Variants in PAK1 observed in about 807,000 individuals in gnomAD.
PAK1 encodes p21 (RAC1) activated kinase 1, also known as serine/threonine-protein kinase PAK 1.
Under a neutral mutation model 67.4 loss-of-function variants are expected in PAK1, and 29 were observed. The ratio of observed to expected loss-of-function variants is 0.43; its 90% CI spans 0.32 to 0.59. PAK1 has a LOEUF of 0.59. Among genes scored for constraint, PAK1 ranks in the 20% least tolerant of loss-of-function variants. The probability of loss-of-function intolerance (pLI) is 0.07; values close to 1 mark genes in which losing one functional copy is unlikely to be tolerated. For synonymous variants in PAK1, 223 were observed against 237.4 expected, an observed-to-expected ratio of 0.94 and a Z score of 0.56; for missense variants, 337 against 670.7, an observed-to-expected ratio of 0.50 and a Z score of 5.50.
Position 77,457,498 on chromosome 11 carries a change from G to A in PAK1, c.-22+16054C>T, listed in dbSNP as rs1050552861. Among the ~76,000 whole-genome samples the A allele has an allele frequency of 3.3e-5, 5 of 152,214 alleles. No individual in the cohort carries two copies. In the East Asian group the frequency reaches 5.8e-4, roughly 18 times the overall value. On this transcript the variant is annotated intron_variant, in intron 1 of 14. Coordinates refer to ENST00000356341, the MANE Select transcript of PAK1 (RefSeq NM_002576.5). The stretch of plus-strand genomic sequence containing the variant: ...TGCTTCCATGGGTTCATTAAGGGGC[G>A]CATTAGCATTACATTAATTGGCATA...
intron 1 of PAK1, among the ~76,000 whole-genome samples, chr11:77,436,217 T>C (rs1206494088): frequency 6.6e-6 from 1 of 152,208 alleles, no homozygotes; most frequent in African/African-American, 2.4e-5. Flanking sequence ...ACTTACTCTA[T>C]GGTTGGAGGC....
the PAK1 span, among the ~76,000 whole-genome samples, chr11:77,489,479 C>T: frequency 3.3e-5 from 5 of 151,922 alleles, no homozygotes; most frequent in East Asian, 1.9e-4. Context: ...TCTCTTTCCA[C>T]GGTCTCCCTC....
chr11:77,511,295 T>TAC, the PAK1 span, among the ~76,000 whole-genome samples: 1 of 152,312 alleles, frequency 6.6e-6, no homozygotes, highest in Non-Finnish European at 1.5e-5. Flanking sequence ...AACACCAGCA[T>TAC]ACACACCTCC....
chr11:77,332,587 G>A, intron 14 of PAK1, 143 bp downstream of exon 14: 2 of 668,838 alleles, frequency 3.0e-6, no homozygotes, highest in South Asian at 2.1e-5. Context: ...AGGGATAAAA[G>A]GGCAGTAGGA....
chr11:77,398,670 C>T (rs1337237449), intron 1 of PAK1, among the ~76,000 whole-genome samples: 1 of 152,134 alleles, frequency 6.6e-6, no homozygotes, highest in African/African-American at 2.4e-5. Context: ...TTCAATATAC[C>T]AATTTCCTTT....
the PAK1 span, among the ~76,000 whole-genome samples, chr11:77,490,140 C>T: frequency 1.1e-4 from 17 of 151,778 alleles, no homozygotes; most frequent in East Asian, 3.9e-4. Context: ...TCTGCCTGGC[C>T]GCCCCGTCTG....
At chr11:77,509,240 T>A in the PAK1 span, among the ~76,000 whole-genome samples, 62 of 151,668 alleles carry the variant, frequency 4.1e-4, no homozygotes, top group South Asian at 8.3e-4. Context: ...CCTGGGCGAC[T>A]GAGCGAGACT....
intron 1 of PAK1, among the ~76,000 whole-genome samples, chr11:77,460,161 A>G (rs80195530): frequency 6.4e-5 from 9 of 140,580 alleles, no homozygotes; most frequent in African/African-American, 2.7e-4. Flanking sequence ...GTAGAATAGA[A>G]AAAAAAAAAA....
intron 1 of PAK1, among the ~76,000 whole-genome samples, chr11:77,412,376 G>C (rs867779822): frequency 5.3e-5 from 8 of 152,154 alleles, no homozygotes; most frequent in African/African-American, 1.9e-4. Flanking sequence ...AAGAATGCTA[G>C]GTGGGCCCCT....
the PAK1 span, among the ~76,000 whole-genome samples, chr11:77,503,263 G>T: frequency 6.6e-6 from 1 of 152,196 alleles, no homozygotes; most frequent in Non-Finnish European, 1.5e-5. Flanking sequence ...ATCAGTGGGA[G>T]CCTCCGAGAG....
At chr11:77,324,236 G>A (rs1221567441) in intron 14 of PAK1, among the ~76,000 whole-genome samples, 2 of 148,850 alleles carry the variant, frequency 1.3e-5, no homozygotes, top group Non-Finnish European at 3.0e-5. Context: ...GCAGTGGTGC[G>A]GTCTCGGCTC....
intron 1 of PAK1, among the ~76,000 whole-genome samples, chr11:77,456,703 T>A (rs1173831037): frequency 6.6e-6 from 1 of 152,166 alleles, no homozygotes; most frequent in Non-Finnish European, 1.5e-5. Context: ...GTAATCCTAA[T>A]AACAAACATA....
intron 1 of PAK1, among the ~76,000 whole-genome samples, chr11:77,433,486 T>C (rs1306078485): frequency 2.6e-5 from 4 of 152,040 alleles, no homozygotes; most frequent in African/African-American, 7.2e-5. Flanking sequence ...CTTATAATAA[T>C]AGTAAAAAAG....
chr11:77,482,893 A>C, the PAK1 span, among the ~76,000 whole-genome samples: 3 of 152,154 alleles, frequency 2.0e-5, no homozygotes, highest in Non-Finnish European at 4.4e-5. Context: ...GGCATGAGCC[A>C]CCACACCCAG....
intron 5 of PAK1, among the ~76,000 whole-genome samples, chr11:77,359,440 TCTTA>T (rs1946480983): frequency 6.6e-6 from 1 of 152,160 alleles, no homozygotes; most frequent in Admixed American, 6.5e-5. Context: ...CACTATAATT[TCTTA>T]CTCTCTCCTG....
chr11:77,459,850 C>G (rs1165256788), intron 1 of PAK1, among the ~76,000 whole-genome samples: 5 of 152,052 alleles, frequency 3.3e-5, no homozygotes, highest in African/African-American at 1.2e-4. Context: ...GCGCCCGCCA[C>G]CGCGCCTGGC....
rs367836292 is a variant in PAK1 at position 77,379,335 on chromosome 11, C to T, written c.345G>A (p.Ser115=). The T allele has an allele frequency of 1.2e-3, 1,966 of 1,613,852 alleles. 36 individuals are homozygous for T. The South Asian group carries it at 0.02, about 16-fold the overall frequency. Residue 115 remains serine, a synonymous_variant, in exon 4 of 15, where the codon TCG becomes TCA. Coordinates refer to ENST00000356341, the MANE Select transcript of PAK1 (RefSeq NM_002576.5). ...CAGCCTGCGGGTTTTTCTTCTGCTC[C>T]GACTTAGTGATATTTGATGTCTGAA... is the stretch of plus-strand genomic sequence containing the variant. ...RLLQTSNITK[S]EQKKNPQAVL...
chr11:77,484,793 C>T, the PAK1 span, among the ~76,000 whole-genome samples: 1 of 152,188 alleles, frequency 6.6e-6, no homozygotes, highest in African/African-American at 2.4e-5. Flanking sequence ...ATGATGGTTA[C>T]TGTATTAGTC....
chr11:77,355,899 T>A (rs573089918), intron 6 of PAK1, 57 bp from the exon 7 acceptor site: 1 of 1,110,050 alleles, frequency 9.0e-7, no homozygotes, highest in Admixed American at 1.8e-5. Context: ...TAGGGGAACC[T>A]CTCCTAGATG....
Sources: allele counts gnomAD v4.1 joint callset (sites outside exome capture counted in the v4.1 genomes callset), GRCh38; gene constraint gnomAD v4.1.1; transcripts MANE v1.5; gene names NCBI Gene and HGNC (gene_info 2026-07-23, HGNC 2026-07-21).